Variants in PARVB observed in about 807,000 individuals in gnomAD.
PARVB encodes beta-parvin.
Under a neutral mutation model 47.0 loss-of-function variants are expected in PARVB, and 46 were observed. That is an observed-to-expected ratio of 0.98 (90% CI 0.77 to 1.25). The LOEUF (loss-of-function observed/expected upper bound fraction) is 1.25. Among genes scored for constraint, PARVB ranks in the 50% most tolerant of loss-of-function variants. The pLI is 0.00. For synonymous variants in PARVB, 196 were observed against 196.3 expected, an observed-to-expected ratio of 1.00 and a Z score of 0.01; for missense variants, 473 against 471.6, an observed-to-expected ratio of 1.00 and a Z score of -0.03.
In PARVB at chr22:44,066,877, T is replaced by C. The variant is rs919613076; in HGVS notation, c.113-27051T>C. On this transcript the variant is annotated intron_variant, in intron 1 of 12. Coordinates refer to ENST00000338758, the MANE Select transcript of PARVB (RefSeq NM_013327.5). ...TTCCTTTTTTTTCTTCTTTCTTCTT[T>C]CTTTTTCTTCTTCTTAGGCAGGGTC... 1.0e-4 allele frequency among the ~76,000 whole-genome samples: 15 copies of C among 148,828 alleles called. 1 individual carries two copies. The highest frequency in any genetic ancestry group is 6.7e-5 in the Admixed American group (1 of 14,820).
intron 3 of PARVB, chr22:44,106,075 C>G (rs958847240): frequency 6.6e-6 from 1 of 151,602 alleles, no homozygotes; most frequent in Non-Finnish European, 1.5e-5. Flanking sequence ...AGTGATCTGC[C>G]TGTCTTGGCC....
chr22:44,157,925 C>T (rs2053970730), intron 10 of PARVB, 57 bp from the exon 11 acceptor site: 4 of 1,277,944 alleles, frequency 3.1e-6, no homozygotes, highest in African/African-American at 1.5e-5. Flanking sequence ...TAAGTTTGTG[C>T]AAAGCATTTG....
chr22:44,100,561 G>A (rs973267159), intron 3 of PARVB, among the ~76,000 whole-genome samples: 1 of 152,130 alleles, frequency 6.6e-6, no homozygotes, highest in African/African-American at 2.4e-5. Flanking sequence ...CGATGCCTGC[G>A]CTGAGTGGAC....
chr22:44,116,891 C>A (rs2052918097), intron 3 of PARVB, among the ~76,000 whole-genome samples: 2 of 151,956 alleles, frequency 1.3e-5, no homozygotes, highest in African/African-American at 2.4e-5. Flanking sequence ...ATTTGAAGAA[C>A]CCCAGCGAGG....
chr22:44,125,175 A>G lies in PARVB; in HGVS notation c.376+6035A>G, dbSNP rs577387552. Among the ~76,000 whole-genome samples, 2 of 152,192 alleles carry G rather than the reference A, an allele frequency of 1.3e-5. No homozygotes were observed. The highest frequency in any genetic ancestry group is 4.8e-5 in the African/African-American group (2 of 41,526). ...TATTCATCTGGCCCTCAGAAAGTATATTTGGAGGGAAACATGTCTGTGTTT... is the reference window on the plus strand; with the variant it reads ...TATTCATCTGGCCCTCAGAAAGTATGTTTGGAGGGAAACATGTCTGTGTTT... On this transcript the variant is annotated intron_variant, in intron 4 of 12. Coordinates refer to ENST00000338758, the MANE Select transcript of PARVB (RefSeq NM_013327.5). This position sits in a 1 kb window ranked among gnomAD's most constrained non-coding sequence, Gnocchi z 4.1.
exon 2 of PARVB, chr22:43,999,539 G>A (rs1227507288): frequency 6.3e-7 from 1 of 1,580,588 alleles, no homozygotes. Flanking sequence ...TGCAGCAGGA[G>A]GCTGGAGCTG....
intron 12 of PARVB, among the ~76,000 whole-genome samples, chr22:44,165,871 C>T (rs1180858277): frequency 2.0e-5 from 3 of 152,228 alleles, no homozygotes; most frequent in Non-Finnish European, 4.4e-5. Flanking sequence ...ACACCAGGTC[C>T]CTGCTGATGG....
chr22:44,156,512 T>C (rs1409088284), intron 10 of PARVB, among the ~76,000 whole-genome samples: 3 of 152,092 alleles, frequency 2.0e-5, no homozygotes, highest in Admixed American at 6.6e-5. Context: ...CTCCTGACCT[T>C]GTGATCCACC....
intron 2 of PARVB, among the ~76,000 whole-genome samples, chr22:44,009,096 T>C (rs912577555): frequency 5.9e-5 from 9 of 152,246 alleles, no homozygotes; most frequent in African/African-American, 1.9e-4. Flanking sequence ...TCCCTTTTAC[T>C]GATTTCCTTG....
intron 1 of PARVB, among the ~76,000 whole-genome samples, chr22:44,087,856 T>TTC (rs1319487989): frequency 4.6e-5 from 7 of 150,908 alleles, no homozygotes; most frequent in African/African-American, 1.5e-4. Context: ...GTTTTTTTTT[T>TTC]TTTTTTTCTT....
chr22:44,099,511 C>T (rs1010682328), intron 2 of PARVB, among the ~76,000 whole-genome samples: 1 of 147,422 alleles, frequency 6.8e-6, no homozygotes, highest in Non-Finnish European at 1.5e-5. Flanking sequence ...TTTGCTGTTA[C>T]ACATCATCCC....
chr22:44,121,104 G>A (rs2053037032), intron 4 of PARVB, among the ~76,000 whole-genome samples: 1 of 152,142 alleles, frequency 6.6e-6, no homozygotes, highest in Non-Finnish European at 1.5e-5. Flanking sequence ...GCCTCCCAAA[G>A]TGCTGGGATT....
chr22:44,139,885 T>G, intron 7 of PARVB: 1 of 553,648 alleles, frequency 1.8e-6, no homozygotes, highest in Non-Finnish European at 3.2e-6. Flanking sequence ...CAAATAGAGA[T>G]GGTGATTTGC....
intron 1 of PARVB, among the ~76,000 whole-genome samples, chr22:44,080,106 G>T (rs1002980189): frequency 1.1e-4 from 16 of 152,356 alleles, no homozygotes; most frequent in Admixed American, 1.0e-3. Context: ...AGCCATGTCA[G>T]TTTCAGTAAC....
upstream of PARVB, among the ~76,000 whole-genome samples, chr22:44,023,549 A>G (rs1174081938): frequency 2.1e-5 from 2 of 94,522 alleles, no homozygotes; most frequent in African/African-American, 1.1e-4. Context: ...AAATAAAATA[A>G]AATAAAATAA....
At chr22:44,016,352 T>A (rs900616291) in intron 2 of PARVB, among the ~76,000 whole-genome samples, 3 of 152,156 alleles carry the variant, frequency 2.0e-5, no homozygotes, top group Non-Finnish European at 4.4e-5. Context: ...CGCCTCAGCC[T>A]CCCAAAGTGC....
intron 2 of PARVB, among the ~76,000 whole-genome samples, chr22:44,094,570 G>C (rs1053709897): frequency 2.7e-5 from 4 of 145,870 alleles, no homozygotes; most frequent in Admixed American, 2.7e-4. Flanking sequence ...GCTCATGGCA[G>C]CCTTTACCGT....
intron 1 of PARVB, among the ~76,000 whole-genome samples, chr22:44,031,186 T>C (rs1480234178): frequency 6.6e-6 from 1 of 152,196 alleles, no homozygotes; most frequent in Admixed American, 6.5e-5. Context: ...GTGAGGTCAC[T>C]GCGACGCTGC....
chr22:44,014,595 T>C (rs1383856894), intron 2 of PARVB, among the ~76,000 whole-genome samples: 1 of 152,228 alleles, frequency 6.6e-6, no homozygotes, highest in Non-Finnish European at 1.5e-5. Context: ...TTTCCAATCT[T>C]GAAGTTAATA....
Sources: allele counts gnomAD v4.1 joint callset (sites outside exome capture counted in the v4.1 genomes callset), GRCh38; gene constraint gnomAD v4.1.1; non-coding constraint Gnocchi (gnomAD v3.1); transcripts MANE v1.5; gene names NCBI Gene and HGNC (gene_info 2026-07-23, HGNC 2026-07-21).